SYTL2: variants seen among roughly 807,000 people sequenced by gnomAD.
SYTL2 encodes synaptotagmin-like protein 2.
SYTL2 carries 165 observed loss-of-function variants against 198.7 expected under a neutral mutation model. The observed-to-expected ratio is 0.83, with a 90% confidence interval of 0.73 to 0.94. The LOEUF is 0.94. Ranked by LOEUF, SYTL2 falls within the 40% of genes least tolerant of loss-of-function variation. SYTL2 has a pLI of 0.00. For missense variants in SYTL2, 2,835 were observed against 2,582.8 expected (o/e 1.10, Z -2.12); for synonymous variants, 966 against 917.7 (o/e 1.05, Z -0.95).
intron 1 of SYTL2, among the ~76,000 whole-genome samples, chr11:85,771,306 A>G (rs919901364): frequency 1.3e-5 from 2 of 152,240 alleles, no homozygotes; most frequent in Non-Finnish European, 2.9e-5. Flanking sequence ...AGTGTTCAAT[A>G]TAATTCTTAA....
rs576927415 is a variant in SYTL2, at chr11:85,793,061, C to T, written c.-390+17893G>A. On this transcript the variant is annotated intron_variant, in intron 1 of 19. Coordinates refer to ENST00000359152, the MANE Select transcript of SYTL2 (RefSeq NM_206927.4). ...CATTTGGGTTGGTTCCAAGTCTTTG[C>T]TATCGTGAATAGTGCCGCAATAAAC... Among the ~76,000 whole-genome samples the T allele has an allele frequency of 2.4e-4, 37 of 152,062 alleles. No individual in the cohort carries two copies. In the South Asian group the frequency reaches 5.8e-3, roughly 24 times the overall value.
intron 6 of SYTL2, among the ~76,000 whole-genome samples, chr11:85,735,168 T>G (rs537848631): frequency 4.6e-5 from 7 of 152,330 alleles, no homozygotes; most frequent in Non-Finnish European, 1.5e-5. Flanking sequence ...GGAAAACGTC[T>G]GTATCTTTTG....
intron 1 of SYTL2, among the ~76,000 whole-genome samples, chr11:85,806,546 A>C (rs1447920418): frequency 6.6e-6 from 1 of 152,210 alleles, no homozygotes; most frequent in Non-Finnish European, 1.5e-5. Context: ...TTTCCTAACA[A>C]TCTCAAGAGG....
intron 16 of SYTL2, among the ~76,000 whole-genome samples, chr11:85,701,143 T>G (rs2153378520): frequency 6.6e-6 from 1 of 152,364 alleles, no homozygotes; most frequent in South Asian, 2.1e-4. Context: ...CAAGTACACG[T>G]TGAATATTCC....
rs561711172 is a variant in SYTL2 at position 85,700,129 on chromosome 11, A to G, written c.6268+386T>C. ...AAAAAAAAAATGAGAACTTTCTTAT[A>G]GAAACAGAAAGTAAAATGATGATTA... is the stretch of plus-strand genomic sequence containing the variant. On this transcript the variant is annotated intron_variant, in intron 17 of 19. Transcript: ENST00000359152. Among the ~76,000 whole-genome samples, 109 of 152,348 alleles carry G rather than the reference A, an allele frequency of 7.2e-4. 1 individual carries two copies. The highest frequency in any genetic ancestry group is 2.9e-3 in the Admixed American group (45 of 15,304).
chr11:85,743,648 A>G (rs926337611), intron 4 of SYTL2, among the ~76,000 whole-genome samples: 5 of 152,190 alleles, frequency 3.3e-5, no homozygotes, highest in African/African-American at 7.2e-5. Flanking sequence ...GGAGATGCTA[A>G]TCTTGAATAC....
chr11:85,715,919 T>C (rs2087154238), intron 11 of SYTL2, among the ~76,000 whole-genome samples: 1 of 152,244 alleles, frequency 6.6e-6, no homozygotes, highest in Non-Finnish European at 1.5e-5. Context: ...ACTACTCAAA[T>C]GTAATCAATT....
the SYTL2 span, among the ~76,000 whole-genome samples, chr11:85,835,914 G>A: frequency 1.2e-4 from 19 of 152,108 alleles, no homozygotes; most frequent in African/African-American, 4.3e-4. Context: ...TTCATTACTC[G>A]AATTTTCCCA....
chr11:85,829,050 T>G, the SYTL2 span, among the ~76,000 whole-genome samples: 9 of 30,552 alleles, frequency 2.9e-4, no homozygotes, highest in East Asian at 2.7e-3. Context: ...AAGAGCTCTG[T>G]TTTTTTTTTT....
At chr11:85,786,228 G>T (rs1348571610) in intron 1 of SYTL2, among the ~76,000 whole-genome samples, 1 of 152,180 alleles carries the variant, frequency 6.6e-6, no homozygotes. Flanking sequence ...ACAGATTAGT[G>T]GTTGATAGGG....
intron 17 of SYTL2, 80 bp downstream of exon 17, chr11:85,700,435 C>T: frequency 8.5e-7 from 1 of 1,171,448 alleles, no homozygotes; most frequent in Non-Finnish European, 1.3e-6. Context: ...AGGGCCTCAC[C>T]TTTGAAAACG....
At chr11:85,844,012 C>T in the SYTL2 span, among the ~76,000 whole-genome samples, 1 of 152,148 alleles carries the variant, frequency 6.6e-6, no homozygotes, top group Non-Finnish European at 1.5e-5. Flanking sequence ...GGGTAGTTCC[C>T]AAAGTCAGGG....
chr11:85,811,115 G>A lies in SYTL2; in HGVS notation c.-551C>T, dbSNP rs1446829463. ...CTTCACTCTCCCGACGGACGCTGGC[G>A]GCACGGCCCGGGTGTCGCCCGGCAC... On this transcript the variant is annotated 5_prime_UTR_variant, in exon 1 of 20. Coordinates refer to ENST00000359152, the MANE Select transcript of SYTL2 (RefSeq NM_206927.4). The A allele has an allele frequency of 1.3e-5, 2 of 152,198 alleles. No individual in the cohort carries two copies. Among genetic ancestry groups the A allele is most frequent in the African/African-American group, 2.4e-5 (1 of 41,462 alleles). The allele number at this position is 152,198 out of a possible 1,614,324, so 9.4% of individuals were successfully genotyped here. A position where few individuals can be genotyped will look rare whatever the true frequency, so the allele number is the denominator to read the frequency against.
At chr11:85,786,484 A>G (rs2092638199) in intron 1 of SYTL2, among the ~76,000 whole-genome samples, 1 of 152,220 alleles carries the variant, frequency 6.6e-6, no homozygotes, top group Non-Finnish European at 1.5e-5. Context: ...CCATAGGGGA[A>G]ACTGGGTAAA....
rs1431047704 is a variant in SYTL2 at position 85,763,438 on chromosome 11, G to A, written c.-389-5324C>T. ...TGCCTTTGATAGGCAGCAAAGAGTG[G>A]ATCTGGGCTTCTAACTCTAATTCCA... is the stretch of plus-strand genomic sequence containing the variant. On this transcript the variant is annotated intron_variant, in intron 1 of 19. Transcript: ENST00000359152. Among the ~76,000 whole-genome samples the A allele has an allele frequency of 2.0e-5, 3 of 152,176 alleles. No homozygotes were observed. The East Asian group carries it at 5.8e-4, about 29-fold the overall frequency.
At chr11:85,701,680 G>A (rs550983955) in intron 16 of SYTL2, among the ~76,000 whole-genome samples, 2 of 152,288 alleles carry the variant, frequency 1.3e-5, no homozygotes, top group South Asian at 4.1e-4. Flanking sequence ...CATTTCTTTA[G>A]TGGAACTAAA....
chr11:85,841,812 G>A, the SYTL2 span, among the ~76,000 whole-genome samples: 3 of 152,030 alleles, frequency 2.0e-5, no homozygotes, highest in South Asian at 6.2e-4. Context: ...ATGTACCCCT[G>A]AACTTAAAAT....
intron 1 of SYTL2, among the ~76,000 whole-genome samples, chr11:85,775,179 T>C (rs1308224522): frequency 1.3e-5 from 2 of 152,182 alleles, no homozygotes; most frequent in African/African-American, 4.8e-5. Flanking sequence ...AAGGAGAGAA[T>C]AATTAGGAAA....
chr11:85,753,476 C>T (rs1234263642), intron 2 of SYTL2, among the ~76,000 whole-genome samples: 1 of 152,152 alleles, frequency 6.6e-6, no homozygotes, highest in African/African-American at 2.4e-5. Flanking sequence ...ACCCCAGAGA[C>T]ACCCCAGTGA....
Sources: gnomAD v4.1 joint callset for allele counts (sites outside exome capture counted in the v4.1 genomes callset) on GRCh38, gnomAD v4.1.1 for gene constraint, MANE v1.5 for transcripts, NCBI Gene and HGNC (gene_info 2026-07-23, HGNC 2026-07-21) for gene names.